CEP135: variants seen among roughly 807,000 people sequenced by gnomAD.
CEP135 encodes the protein centrosomal protein 135, also known as centrosomal protein of 135 kDa.
A neutral mutation model predicts 157.3 loss-of-function variants in CEP135; 142 were observed. The observed-to-expected ratio is 0.90, with a 90% CI of 0.79 to 1.04. The LOEUF (loss-of-function observed/expected upper bound fraction) is 1.04, where lower values mean the gene tolerates loss of function less well. Among genes scored for constraint, CEP135 ranks in the 50% least tolerant of loss-of-function variants. The pLI, the probability that CEP135 is intolerant of heterozygous loss-of-function variation, is 0.00. For synonymous variants in CEP135, 396 were observed against 439.8 expected (o/e 0.90, Z 1.25); for missense variants, 1,317 against 1,309.2 (o/e 1.01, Z -0.09).
intron 18 of CEP135, among the ~76,000 whole-genome samples, 191 bp downstream of exon 18, chr4:56,008,573 C>T (rs1252066080): frequency 6.6e-6 from 1 of 152,162 alleles, no homozygotes; most frequent in Admixed American, 6.5e-5. Context: ...TTCTGTCATC[C>T]ACATCTAAAC....
intron 2 of CEP135, 84 bp from the exon 3 acceptor site, chr4:55,953,001 T>C (rs2109639080): frequency 8.2e-7 from 1 of 1,220,958 alleles, no homozygotes; most frequent in Non-Finnish European, 1.1e-6. Flanking sequence ...CATGACTGTA[T>C]TTTAAGCCTC....
At chr4:56,017,022 A>C (rs890089413) in intron 21 of CEP135, among the ~76,000 whole-genome samples, 3 of 152,080 alleles carry the variant, frequency 2.0e-5, no homozygotes, top group African/African-American at 7.2e-5. Context: ...TTCTCCCCAA[A>C]ACCTAGAAGT....
chr4:55,961,941 A>G (rs764876121), intron 6 of CEP135, among the ~76,000 whole-genome samples: 5 of 151,592 alleles, frequency 3.3e-5, no homozygotes, highest in Non-Finnish European at 7.4e-5. Context: ...TCTTGACCCC[A>G]TTTCCTCTTT....
chr4:55,958,683 C>A (rs1728580524), intron 5 of CEP135, among the ~76,000 whole-genome samples: 1 of 152,094 alleles, frequency 6.6e-6, no homozygotes, highest in Non-Finnish European at 1.5e-5. Context: ...TGCATACATA[C>A]TCTTCTCCTA....
chr4:55,986,340 GA>G (rs1729581916), intron 14 of CEP135, among the ~76,000 whole-genome samples: 1 of 152,078 alleles, frequency 6.6e-6, no homozygotes, highest in Non-Finnish European at 1.5e-5. Context: ...CCAAGATTTT[GA>G]GACCAGCCTG....
intron 13 of CEP135, among the ~76,000 whole-genome samples, chr4:55,984,410 G>A (rs1729508044): frequency 6.6e-6 from 1 of 152,074 alleles, no homozygotes; most frequent in African/African-American, 2.4e-5. Flanking sequence ...TGATATTTTG[G>A]CATAAAGTTC....
At chr4:56,003,273 C>G (rs148201720) in intron 17 of CEP135, among the ~76,000 whole-genome samples, 12 of 151,964 alleles carry the variant, frequency 7.9e-5, no homozygotes, top group Non-Finnish European at 4.4e-5. Context: ...CTGCAAGCTC[C>G]GCCTCCCGGG....
intron 17 of CEP135, among the ~76,000 whole-genome samples, 175 bp from the exon 18 acceptor site, chr4:56,008,152 A>G (rs1577904137): frequency 6.6e-6 from 1 of 152,246 alleles, no homozygotes; most frequent in South Asian, 2.1e-4. Flanking sequence ...TGGTCAAAAC[A>G]TGCCAGTATG....
At chr4:56,014,466 T>G (rs1730702170) in intron 21 of CEP135, among the ~76,000 whole-genome samples, 1 of 152,174 alleles carries the variant, frequency 6.6e-6, no homozygotes, top group Non-Finnish European at 1.5e-5. Flanking sequence ...CATGGATGGA[T>G]TTTGCCAGAA....
intron 14 of CEP135, among the ~76,000 whole-genome samples, chr4:55,988,965 CG>C (rs1156842602): frequency 7.4e-6 from 1 of 135,876 alleles, no homozygotes; most frequent in Non-Finnish European, 1.5e-5. Context: ...GACTCCGTCT[CG>C]AAAAAAAAAA....
chr4:55,962,170 G>A (rs1728703157), intron 6 of CEP135, among the ~76,000 whole-genome samples: 1 of 151,960 alleles, frequency 6.6e-6, no homozygotes, highest in African/African-American at 2.4e-5. Context: ...CGCGATCTCG[G>A]CTCACTGCAA....
chr4:55,952,371 T>A, intron 2 of CEP135, 128 bp downstream of exon 2: 1 of 624,804 alleles, frequency 1.6e-6, no homozygotes, highest in Non-Finnish European at 2.9e-6. Context: ...GAAGCTTATC[T>A]GTTTTTTCCC....
chr4:55,972,806 C>T (rs1577876532), intron 10 of CEP135, among the ~76,000 whole-genome samples: 2 of 152,058 alleles, frequency 1.3e-5, no homozygotes, highest in Admixed American at 6.6e-5. Context: ...CCGAGGCAGG[C>T]GGATCACCTG....
chr4:56,008,453 A>T, intron 18 of CEP135, 71 bp downstream of exon 18: 1 of 1,145,972 alleles, frequency 8.7e-7, no homozygotes, highest in Non-Finnish European at 1.3e-6. Context: ...TCTATTCAGT[A>T]GCATTGCAGC....
At chr4:56,001,090 A>C (rs1026908317) in intron 17 of CEP135, among the ~76,000 whole-genome samples, 10 of 151,986 alleles carry the variant, frequency 6.6e-5, no homozygotes, top group Admixed American at 2.0e-4. Flanking sequence ...GCCCGTTTTA[A>C]AATTGGATTA....
At chr4:55,957,461 G>A (rs1728544848) in intron 5 of CEP135, 97 bp downstream of exon 5, 1 of 1,078,382 alleles carries the variant, frequency 9.3e-7, no homozygotes, top group Non-Finnish European at 1.3e-6. Context: ...TAACTGTTGT[G>A]TCTCCAGTGT....
In CEP135 at chr4:56,012,931, TATG is replaced by T. The variant is rs747688758; in HGVS notation, c.2802+949_2802+951del. On this transcript the variant is annotated intron_variant, in intron 21 of 25. Coordinates refer to ENST00000257287, the MANE Select transcript of CEP135 (RefSeq NM_025009.5). Reference sequence around the variant, plus strand: ...ACCCAGAAGTGGAATTACTGGATCATATGATAATTCTGTGTTTAATTTTTTGAG... The same window carrying T: ...ACCCAGAAGTGGAATTACTGGATCATATAATTCTGTGTTTAATTTTTTGAG... 5.9e-4 allele frequency among the ~76,000 whole-genome samples: 90 copies of T among 152,356 alleles called. 1 individual carries two copies. The highest frequency in any genetic ancestry group is 1.5e-4 in the Non-Finnish European group (10 of 68,034).
At chr4:55,963,125 A>G (rs190683876) in intron 6 of CEP135, among the ~76,000 whole-genome samples, 1 of 152,122 alleles carries the variant, frequency 6.6e-6, no homozygotes, top group East Asian at 1.9e-4. Context: ...CCACTCACCA[A>G]GTTCTGTCAT....
intron 2 of CEP135, 98 bp from the exon 3 acceptor site, chr4:55,952,987 G>T: frequency 1.0e-6 from 1 of 995,176 alleles, no homozygotes; most frequent in Non-Finnish European, 1.4e-6. Context: ...GTCATCATGT[G>T]GTGCATGACT....
Sources: allele counts gnomAD v4.1 joint callset (sites outside exome capture counted in the v4.1 genomes callset), GRCh38; gene constraint gnomAD v4.1.1; transcripts MANE v1.5; gene names NCBI Gene and HGNC (gene_info 2026-07-23, HGNC 2026-07-21).